Variants in GALNT1 observed in about 807,000 individuals in gnomAD.
The protein encoded by GALNT1 is polypeptide N-acetylgalactosaminyltransferase 1.
GALNT1 carries 17 observed loss-of-function variants against 65.7 expected under a neutral mutation model. The ratio of observed to expected loss-of-function variants is 0.26; its 90% CI spans 0.18 to 0.39. The LOEUF is 0.39. Among genes scored for constraint, GALNT1 ranks in the 10% least tolerant of loss-of-function variants. GALNT1 has a pLI of 1.00. For synonymous variants in GALNT1, 210 were observed against 219.7 expected (o/e 0.96, Z 0.39); for missense variants, 460 against 672.8 (o/e 0.68, Z 3.50).
chr18:35,650,213 C>T (rs143252973), intron 1 of GALNT1, among the ~76,000 whole-genome samples: 3 of 152,188 alleles, frequency 2.0e-5, no homozygotes, highest in East Asian at 1.9e-4. Flanking sequence ...GGAGACATCA[C>T]GTCAGCAGGT....
At chr18:35,705,138 AC>A (rs775328604) in intron 11 of GALNT1, among the ~76,000 whole-genome samples, 2 of 152,186 alleles carry the variant, frequency 1.3e-5, no homozygotes, top group Non-Finnish European at 2.9e-5. Context: ...TCATACACCA[AC>A]CATGGTCTAC....
chr18:35,609,882 C>T (rs2046695471), intron 1 of GALNT1, among the ~76,000 whole-genome samples: 1 of 152,102 alleles, frequency 6.6e-6, no homozygotes, highest in African/African-American at 2.4e-5. Context: ...AAGTTAATCC[C>T]TAGGATTTGG....
chr18:35,687,449 A>G (rs945675891), intron 6 of GALNT1, among the ~76,000 whole-genome samples: 1 of 152,180 alleles, frequency 6.6e-6, no homozygotes, highest in Non-Finnish European at 1.5e-5. Flanking sequence ...CTTTATGAAC[A>G]TTTTGCAAAT....
chr18:35,689,344 C>A, intron 7 of GALNT1, 54 bp downstream of exon 7: 3 of 971,840 alleles, frequency 3.1e-6, no homozygotes, highest in Non-Finnish European at 4.8e-6. Flanking sequence ...TATAGATGTG[C>A]ATTGATTATT....
At chr18:35,599,334 G>A (rs1450438611) in intron 1 of GALNT1, among the ~76,000 whole-genome samples, 1 of 139,208 alleles carries the variant, frequency 7.2e-6, no homozygotes, top group Non-Finnish European at 1.6e-5. Flanking sequence ...TTTTCTTCTA[G>A]TAGTTTAATA....
At chr18:35,686,615 A>G (rs1160017007) in intron 5 of GALNT1, among the ~76,000 whole-genome samples, 2 of 152,232 alleles carry the variant, frequency 1.3e-5, no homozygotes, top group Non-Finnish European at 2.9e-5. Flanking sequence ...AAAAGGGACC[A>G]TTACATAAAT....
At chr18:35,644,908 T>G (rs1225389509) in intron 1 of GALNT1, among the ~76,000 whole-genome samples, 3 of 152,056 alleles carry the variant, frequency 2.0e-5, no homozygotes, top group Non-Finnish European at 2.9e-5. Context: ...GGATAATTGC[T>G]TGAACCCAGG....
chr18:35,685,987 G>A (rs778163958), intron 5 of GALNT1, among the ~76,000 whole-genome samples: 2 of 152,190 alleles, frequency 1.3e-5, no homozygotes, highest in Non-Finnish European at 2.9e-5. Context: ...AGGATCGCTT[G>A]AACTCAGGAA....
intron 9 of GALNT1, among the ~76,000 whole-genome samples, chr18:35,698,161 G>A (rs936346707): frequency 6.6e-6 from 1 of 152,110 alleles, no homozygotes; most frequent in African/African-American, 2.4e-5. Flanking sequence ...TGACGTGTCG[G>A]CTACACTGAA....
chr18:35,654,091 C>G (rs1045628027), intron 1 of GALNT1, among the ~76,000 whole-genome samples: 1 of 152,172 alleles, frequency 6.6e-6, no homozygotes, highest in Non-Finnish European at 1.5e-5. Flanking sequence ...CACTAGTTGC[C>G]TAACCCCCTA....
At chr18:35,581,633 CGGGGCGCCCGGAGTAGCCGCCGACCCGAG>C (rs1555644079), upstream of GALNT1, 1 of 82 alleles carries the variant, frequency 0.012, no homozygotes, top group East Asian at 0.5. Context: ...AGCCCGCGAG[CGGGGCGCCCGGAGTAGCCGCCGACCCGAG>C]CCGGGCGCGG....
At chr18:35,636,839 A>G (rs1353290723) in intron 1 of GALNT1, among the ~76,000 whole-genome samples, 1 of 138,596 alleles carries the variant, frequency 7.2e-6, no homozygotes, top group East Asian at 2.1e-4. Context: ...GCAACCCTAC[A>G]CTGAAAAAGT....
intron 1 of GALNT1, among the ~76,000 whole-genome samples, chr18:35,626,371 G>A (rs370951380): frequency 7.2e-5 from 11 of 152,164 alleles, no homozygotes; most frequent in African/African-American, 1.4e-4. Context: ...AAGTAACGCC[G>A]TGTCTAAGAT....
At chr18:35,631,473 A>G (rs1189365829) in intron 1 of GALNT1, among the ~76,000 whole-genome samples, 2 of 152,230 alleles carry the variant, frequency 1.3e-5, no homozygotes, top group Non-Finnish European at 2.9e-5. Flanking sequence ...TTATCTCAAT[A>G]GATGCAGAAA....
At chr18:35,672,359 C>A (rs781395787) in intron 3 of GALNT1, among the ~76,000 whole-genome samples, 5 of 152,114 alleles carry the variant, frequency 3.3e-5, no homozygotes, top group Non-Finnish European at 5.9e-5. Flanking sequence ...AATGAAATGC[C>A]AAGTGGTAAA....
intron 9 of GALNT1, 106 bp from the exon 10 acceptor site, chr18:35,702,791 A>C: frequency 1.6e-5 from 10 of 621,580 alleles, no homozygotes; most frequent in Non-Finnish European, 2.2e-5. Flanking sequence ...ATTTCAGAGT[A>C]GGGCCAGGGA....
intron 1 of GALNT1, among the ~76,000 whole-genome samples, chr18:35,606,243 C>T (rs928022884): frequency 5.3e-5 from 8 of 152,316 alleles, no homozygotes; most frequent in African/African-American, 1.9e-4. Flanking sequence ...CATTTCTGCT[C>T]ACACTTGGCC....
chr18:35,677,661 T>C lies in GALNT1; in HGVS notation c.385T>C (p.Trp129Arg). 1 of 1,613,466 alleles carries C rather than the reference T, an allele frequency of 6.2e-7. No individual in the cohort carries two copies. The highest frequency in any genetic ancestry group is 8.5e-7 in the Non-Finnish European group (1 of 1,179,496). Residue 129 changes from tryptophan to arginine, a missense_variant, in exon 4 of 12, where the codon TGG becomes CGG. Trp to Arg is a moderately radical substitution (Grantham distance 101). Transcript: ENST00000269195. Reference sequence around the variant, plus strand: ...GGTGATTGTTTTCCACAATGAGGCTTGGAGCACACTTCTGCGAACTGTCCA... The same window carrying C: ...GGTGATTGTTTTCCACAATGAGGCTCGGAGCACACTTCTGCGAACTGTCCA... ...SVVIVFHNEA[W>R]STLLRTVHSV...
intron 1 of GALNT1, among the ~76,000 whole-genome samples, 195 bp downstream of exon 1, chr18:35,582,057 G>C (rs2046328712): frequency 6.6e-6 from 1 of 152,102 alleles, no homozygotes; most frequent in Non-Finnish European, 1.5e-5. Context: ...GGCGTCTCTG[G>C]TTGGCAGCTT....
Sources: gnomAD v4.1 joint callset for allele counts (sites outside exome capture counted in the v4.1 genomes callset) on GRCh38, gnomAD v4.1.1 for gene constraint, MANE v1.5 for transcripts, NCBI Gene and HGNC (gene_info 2026-07-23, HGNC 2026-07-21) for gene names.